IPO5: variants seen among roughly 807,000 people sequenced by gnomAD.
The protein encoded by IPO5 is importin 5, also known as importin-5.
Under a neutral mutation model 143.3 loss-of-function variants are expected in IPO5, and 18 were observed. The ratio of observed to expected loss-of-function variants is 0.13; its 90% CI spans 0.09 to 0.19. The LOEUF is 0.19. Ranked by LOEUF, IPO5 falls within the 10% of genes least tolerant of loss-of-function variation. The pLI is 1.00. For missense variants in IPO5, 1,013 were observed against 1,336.9 expected, an observed-to-expected ratio of 0.76 and a Z score of 3.78; for synonymous variants, 477 against 465.7, an observed-to-expected ratio of 1.02 and a Z score of -0.31.
intron 3 of IPO5, 40 bp downstream of exon 3, chr13:97,969,870 G>GT (rs773928915): frequency 7.8e-5 from 119 of 1,524,638 alleles, no homozygotes; most frequent in African/African-American, 1.8e-4. Context: ...TTCCTGTTTT[G>GT]TTTTTTTTAA....
chr13:97,967,287 T>G (rs1225520771), intron 2 of IPO5, among the ~76,000 whole-genome samples: 1 of 152,202 alleles, frequency 6.6e-6, no homozygotes, highest in Non-Finnish European at 1.5e-5. Context: ...CTCTTTTTTT[T>G]CCTGGTCAGT....
chr13:97,957,716 T>C (rs1037201103), intron 2 of IPO5, among the ~76,000 whole-genome samples: 7 of 152,230 alleles, frequency 4.6e-5, no homozygotes, highest in Non-Finnish European at 1.0e-4. Context: ...AAATAATTTT[T>C]TTAATTGACT....
chr13:98,012,197 C>CTTG (rs776675628), intron 20 of IPO5, 49 bp from the exon 21 acceptor site: 324 of 1,098,040 alleles, frequency 3.0e-4, no homozygotes, highest in Non-Finnish European at 3.2e-4. Context: ...AATATTAATG[C>CTTG]TTGAAGACTA....
chr13:97,988,860 T>C (rs1887590970), intron 6 of IPO5, among the ~76,000 whole-genome samples: 1 of 150,172 alleles, frequency 6.7e-6, no homozygotes, highest in Admixed American at 6.6e-5. Context: ...GTTGGTTTGT[T>C]TGGTCTTTTT....
chr13:98,015,027 C>G (rs1322158915), intron 22 of IPO5, among the ~76,000 whole-genome samples: 1 of 152,056 alleles, frequency 6.6e-6, no homozygotes, highest in Non-Finnish European at 1.5e-5. Flanking sequence ...CTAGTTTGCT[C>G]CAATCTTGAT....
At chr13:97,963,591 A>T (rs1885065343) in intron 2 of IPO5, among the ~76,000 whole-genome samples, 1 of 151,878 alleles carries the variant, frequency 6.6e-6, no homozygotes, top group African/African-American at 2.4e-5. Flanking sequence ...GATGGTCTCG[A>T]TCTTCTGACC....
chr13:98,002,464 T>C lies in IPO5; in HGVS notation c.1109-3T>C, dbSNP rs1888890645. 1.9e-6 allele frequency: 3 copies of C among 1,613,688 alleles called. No homozygotes were observed. The highest frequency in any genetic ancestry group is 2.5e-6 in the Non-Finnish European group (3 of 1,179,856). ...CTATTCCATCTGTAATTTTTTTCGG[T>C]AGCTGACTGGAAATACCGGCATGCA... is the stretch of plus-strand genomic sequence containing the variant. On this transcript the variant is annotated splice_region_variant and splice_polypyrimidine_tract_variant and intron_variant, in intron 13 of 28. Transcript: ENST00000651721.
chr13:97,985,758 C>T, intron 6 of IPO5, 145 bp downstream of exon 6: 2 of 634,704 alleles, frequency 3.2e-6, no homozygotes, highest in Non-Finnish European at 5.5e-6. Context: ...ATGGATTTTG[C>T]ATTTAGAGCC....
At chr13:97,959,572 C>CA (rs1191156043) in intron 2 of IPO5, among the ~76,000 whole-genome samples, 2 of 151,790 alleles carry the variant, frequency 1.3e-5, no homozygotes, top group African/African-American at 2.4e-5. Flanking sequence ...TACTAAAATA[C>CA]AAAAAACAAA....
chr13:97,977,976 G>A (rs1886522688), intron 4 of IPO5, among the ~76,000 whole-genome samples: 1 of 152,198 alleles, frequency 6.6e-6, no homozygotes, highest in Non-Finnish European at 1.5e-5. Flanking sequence ...TCTTTGAAAC[G>A]ACGGTGGTAA....
At chr13:97,963,810 C>T (rs571571130) in intron 2 of IPO5, among the ~76,000 whole-genome samples, 4 of 152,292 alleles carry the variant, frequency 2.6e-5, no homozygotes, top group African/African-American at 7.2e-5. Flanking sequence ...TACACTCCCA[C>T]CAACAGTGTA....
At chr13:97,972,709 C>A (rs777609877) in intron 3 of IPO5, among the ~76,000 whole-genome samples, 1 of 152,102 alleles carries the variant, frequency 6.6e-6, no homozygotes, top group Non-Finnish European at 1.5e-5. Flanking sequence ...TATTTTAATG[C>A]GGCCAAAGCA....
chr13:97,982,164 C>T (rs1886903115), intron 4 of IPO5: 1 of 218,036 alleles, frequency 4.6e-6, no homozygotes, highest in Non-Finnish European at 8.9e-6. Flanking sequence ...TTTAAGTGAG[C>T]CCTAAAGTTT....
At chr13:97,966,327 C>T (rs904103901) in intron 2 of IPO5, among the ~76,000 whole-genome samples, 3 of 151,814 alleles carry the variant, frequency 2.0e-5, no homozygotes, top group African/African-American at 2.4e-5. Context: ...GTTTGTTGAG[C>T]GTTTTAATAA....
chr13:97,956,063 T>TC lies in IPO5; in HGVS notation c.-113+1865_-113+1866insC, dbSNP rs1389953000. On this transcript the variant is annotated intron_variant, in intron 2 of 28. Transcript: ENST00000651721. ...GAGACAATGGCGTGAACCCGGGAGG[T>TC]GGAGCTTGCAGTGAGCCAAGATCGC... Among the ~76,000 whole-genome samples the TC allele has an allele frequency of 2.1e-5, 3 of 146,276 alleles. No homozygotes were observed. The East Asian group carries it at 5.9e-4, about 29-fold the overall frequency.
At chr13:97,988,963 C>A in intron 6 of IPO5, 99 bp from the exon 7 acceptor site, 1 of 576,826 alleles carries the variant, frequency 1.7e-6, no homozygotes, top group Non-Finnish European at 3.1e-6. Context: ...TTTTTCACTA[C>A]TCCAGGTTTG....
At chr13:98,021,638 A>AGGT in intron 28 of IPO5, 98 bp from the exon 29 acceptor site, 1 of 551,836 alleles carries the variant, frequency 1.8e-6, no homozygotes. Context: ...CCTAGGGAGA[A>AGGT]GGTATTTTGC....
intron 3 of IPO5, among the ~76,000 whole-genome samples, chr13:97,971,270 G>A (rs550041833): frequency 6.6e-6 from 1 of 152,176 alleles, no homozygotes; most frequent in South Asian, 2.1e-4. Context: ...AGGGCCTATT[G>A]TGCACAGTGT....
rs756134015 is a variant in IPO5, at chr13:97,993,143, G to T, written c.831G>T (p.Gln277His). The T allele has an allele frequency of 2.5e-6, 4 of 1,613,884 alleles. No individual in the cohort carries two copies. The African/African-American group carries it at 4.0e-5, about 16-fold the overall frequency. The change falls in exon 11 of 29, where the codon CAG (glutamine) becomes CAT (histidine). Residue 277 changes from glutamine (Q) to histidine (H), a missense_variant. Transcript: ENST00000651721. ...GDTSLNNMQR[Q>H]LALEVIVTLS... ...CTAGCCTCAACAATATGCAACGCCA[G>T]CTTGCCCTTGAAGTGATCGTCACCC...
Sources: gnomAD v4.1 joint callset for allele counts (sites outside exome capture counted in the v4.1 genomes callset) on GRCh38, gnomAD v4.1.1 for gene constraint, MANE v1.5 for transcripts, NCBI Gene and HGNC (gene_info 2026-07-23, HGNC 2026-07-21) for gene names.